Variants in UBR4 observed in about 807,000 individuals in gnomAD.
UBR4 encodes E3 ubiquitin-protein ligase UBR4.
In UBR4, 124 loss-of-function variants were observed where a neutral mutation model predicts 575.6. The observed-to-expected ratio is 0.22, with a 90% CI of 0.19 to 0.25. The LOEUF is 0.25. Among genes scored for constraint, UBR4 ranks in the 10% least tolerant of loss-of-function variants. The pLI, the probability that UBR4 is intolerant of heterozygous loss-of-function variation, is 1.00. For synonymous variants in UBR4, 2,455 were observed against 2,473.7 expected, an observed-to-expected ratio of 0.99 and a Z score of 0.22; for missense variants, 4,818 against 6,478.8, an observed-to-expected ratio of 0.74 and a Z score of 8.80.
intron 87 of UBR4, among the ~76,000 whole-genome samples, chr1:19,102,482 A>G (rs1195321543): frequency 6.7e-6 from 1 of 150,194 alleles, no homozygotes; most frequent in African/African-American, 2.5e-5. Context: ...AAATGGCATC[A>G]GAAAGAGTTC....
intron 20 of UBR4, 66 bp from the exon 21 acceptor site, chr1:19,175,099 G>T: frequency 1.4e-6 from 2 of 1,392,784 alleles, no homozygotes; most frequent in Non-Finnish European, 2.0e-6. Context: ...AGTATGCAAT[G>T]TAAAACTCAG....
chr1:19,114,885 G>A lies in UBR4; in HGVS notation c.11128C>T (p.Arg3710Cys), dbSNP rs2080315986. Residue 3710 changes from arginine (R) to cysteine (C), a missense_variant, in exon 75 of 106, where the codon CGC becomes TGC. Around this residue, in one of 29 missense-constraint regions of UBR4, gnomAD observed 10 missense variants for 65.4 expected, o/e 0.15. Coordinates refer to ENST00000375254, the MANE Select transcript of UBR4 (RefSeq NM_020765.3). ...CNACGFCKYA[R>C]FDFMLYAKPC... is the part of the protein sequence containing the mutation. ...TTGGCATAGAGCATGAAGTCGAAGC[G>A]GGCATATTTACAGAAGCCACAGGCA... 6.2e-7 allele frequency: 1 copy of A among 1,614,068 alleles called. No individual in the cohort carries two copies. The highest frequency in any genetic ancestry group is 1.3e-5 in the African/African-American group (1 of 74,934).
chr1:19,104,006 G>A, intron 87 of UBR4, 78 bp downstream of exon 87: 1 of 1,525,732 alleles, frequency 6.6e-7, no homozygotes, highest in South Asian at 1.2e-5. Context: ...CTGTGGAACT[G>A]GGGGAAATTG....
At chr1:19,132,193 T>C (rs2082553141) in intron 60 of UBR4, among the ~76,000 whole-genome samples, 1 of 152,028 alleles carries the variant, frequency 6.6e-6, no homozygotes, top group Non-Finnish European at 1.5e-5. Flanking sequence ...TGTTTGTTTG[T>C]TTTTTTGAGA....
chr1:19,151,998 G>C lies in UBR4; in HGVS notation c.6997-139C>G, dbSNP rs986703808. ...TTAACTCCCTGGTAATGACTTCCTT[G>C]TTTCTAAAAATGGGAAAATAGGAAA... On this transcript the variant is annotated intron_variant, in intron 47 of 105. Transcript: ENST00000375254. 5.6e-6 allele frequency: 5 copies of C among 891,168 alleles called. No homozygotes were observed. The African/African-American group carries it at 6.8e-5, about 12-fold the overall frequency. The allele number at this position is 891,168 out of a possible 1,614,324, so 55.2% of individuals were successfully genotyped here.
At chr1:19,158,738 C>T (rs910936055) in intron 39 of UBR4, among the ~76,000 whole-genome samples, 1 of 151,818 alleles carries the variant, frequency 6.6e-6, no homozygotes, top group Non-Finnish European at 1.5e-5. Context: ...GTGGGGATTA[C>T]AGGCATGAGC....
rs2091261887 is a variant in UBR4 at position 19,183,821 on chromosome 1, G to A, written c.2174C>T (p.Pro725Leu). The A allele has an allele frequency of 1.9e-6, 3 of 1,614,118 alleles. No homozygotes were observed. The highest frequency in any genetic ancestry group is 1.7e-5 in the Admixed American group (1 of 60,028). The change falls in exon 17 of 106, where the codon CCT (proline) becomes CTT (leucine). Residue 725 changes from proline (P) to leucine (L), a missense_variant. Physicochemically the swap from Pro to Leu is moderately conservative, Grantham distance 98 (BLOSUM62 -3). This residue lies in a region of UBR4 where 1,172 missense variants were observed against 1,259.7 expected (regional missense o/e 0.93). Coordinates refer to ENST00000375254, the MANE Select transcript of UBR4 (RefSeq NM_020765.3). ...HSLVTSDLQS[P>L]NLQNTLLQQL... ...ACAGCACACACAAACCTGCAGGTTA[G>A]GTGACTGAAGGTCAGAGGTTACCAG...
chr1:19,115,565 C>T lies in UBR4; in HGVS notation c.10896G>A (p.Pro3632=), dbSNP rs778552235. 1.9e-5 allele frequency: 31 copies of T among 1,614,076 alleles called. No individual in the cohort carries two copies. Among genetic ancestry groups the T allele is most frequent in the Admixed American group, 1.7e-4 (10 of 60,006 alleles). The part of the protein sequence containing the change: ...PGQTEVKIDL[P]LPIVASNLMI... ...TCAGATTGGAGGCCACAATGGGCAACGGCAGGTCAATCTTCACCTCTGTCT... is the reference window on the plus strand; with the variant it reads ...TCAGATTGGAGGCCACAATGGGCAATGGCAGGTCAATCTTCACCTCTGTCT... Residue 3632 remains proline (P), a synonymous_variant, in exon 74 of 106, where the codon CCG becomes CCA. Coordinates refer to ENST00000375254, the MANE Select transcript of UBR4 (RefSeq NM_020765.3).
intron 8 of UBR4, among the ~76,000 whole-genome samples, chr1:19,193,868 A>T (rs932816543): frequency 2.6e-5 from 4 of 152,230 alleles, no homozygotes; most frequent in African/African-American, 9.6e-5. Flanking sequence ...AGCAATAAAA[A>T]GAAATGGACT....
At chr1:19,190,312 A>AAAAAAAAAAAAAAATATATAT in intron 11 of UBR4, among the ~76,000 whole-genome samples, 9 of 79,910 alleles carry the variant, frequency 1.1e-4, no homozygotes, top group East Asian at 5.8e-4. Flanking sequence ...AAAAAAAAAA[A>AAAAAAAAAAAAAAATATATAT]ATATATATAT....
chr1:19,203,186 T>C (rs903668188), intron 1 of UBR4, among the ~76,000 whole-genome samples: 5 of 152,098 alleles, frequency 3.3e-5, no homozygotes, highest in Admixed American at 3.3e-4. Context: ...AGTGAGTCAA[T>C]CCCCAGCAGA....
At chr1:19,209,434 A>G (rs2151893637) in intron 1 of UBR4, among the ~76,000 whole-genome samples, 1 of 152,368 alleles carries the variant, frequency 6.6e-6, no homozygotes, top group South Asian at 2.1e-4. Context: ...ACCGTTTGTA[A>G]AAGAATGTGA....
At chr1:19,137,883 C>T (rs1163062438) in intron 60 of UBR4, 124 bp downstream of exon 60, 28 of 1,098,442 alleles carry the variant, frequency 2.5e-5, no homozygotes, top group Non-Finnish European at 2.9e-5. Flanking sequence ...GAAGTTTACA[C>T]CTTTATATTT....
intron 38 of UBR4, 99 bp from the exon 39 acceptor site, chr1:19,160,380 T>A: frequency 8.8e-7 from 1 of 1,141,232 alleles, no homozygotes; most frequent in Non-Finnish European, 1.2e-6. Context: ...TCCTTCAGAA[T>A]CCAGCTACTT....
At chr1:19,132,331 G>A (rs942149456) in intron 60 of UBR4, among the ~76,000 whole-genome samples, 16 of 151,658 alleles carry the variant, frequency 1.1e-4, no homozygotes, top group African/African-American at 3.6e-4. Context: ...ACAGGTGCAC[G>A]CCACCACACA....
chr1:19,170,725 G>A, intron 26 of UBR4, 37 bp downstream of exon 26: 1 of 1,613,996 alleles, frequency 6.2e-7, no homozygotes, highest in South Asian at 1.1e-5. Flanking sequence ...AGTAGCTGTT[G>A]TAATAATATT....
rs1553194520 is a variant in UBR4 at position 19,160,972 on chromosome 1, T to G, written c.5351A>C (p.Lys1784Thr). The change falls in exon 38 of 106, where the codon AAG becomes ACG. Residue 1784 changes from lysine to threonine, a missense_variant. Coordinates refer to ENST00000375254, the MANE Select transcript of UBR4 (RefSeq NM_020765.3). ...TACTGTGCGGCAGAGGCTGCTCTTC[T>G]TGGGCTTCTCTTCGTCAGCAACCTT... ...DGKVADEEKP[K>T]KSSLCRTVEG... 1.4e-5 allele frequency: 23 copies of G among 1,614,204 alleles called. No individual in the cohort carries two copies. In the South Asian group the frequency reaches 2.5e-4, roughly 18 times the overall value.
rs148571488 is a variant in UBR4, at chr1:19,117,396, T to C, written c.10648A>G (p.Ile3550Val). 751 of 1,614,092 alleles carry C rather than the reference T, an allele frequency of 4.7e-4. 6 individuals carry two copies. The highest frequency in any genetic ancestry group is 1.8e-4 in the Admixed American group (11 of 60,010). Reference protein sequence around the residue: ...VPFCYIKLSSIKVDTRYTTTQ... With the variant: ...VPFCYIKLSSVKVDTRYTTTQ... ...GTGGTGTACCGCGTGTCCACTTTAA[T>C]GGAAGACAGCTTGATATACTAAATA... The change falls in exon 73 of 106, where the codon ATT (isoleucine) becomes GTT (valine). Residue 3550 changes from isoleucine (I) to valine (V), a missense_variant. Coordinates refer to ENST00000375254, the MANE Select transcript of UBR4 (RefSeq NM_020765.3). This position sits in a 1 kb window ranked among gnomAD's most constrained non-coding sequence, Gnocchi z 4.0.
At chr1:19,192,091 A>T in intron 11 of UBR4, 97 bp downstream of exon 11, 1 of 1,432,176 alleles carries the variant, frequency 7.0e-7, no homozygotes, top group East Asian at 2.3e-5. Flanking sequence ...TAGGAAGGCA[A>T]ATTTTCCTAT....
Sources: gnomAD v4.1 joint callset for allele counts (sites outside exome capture counted in the v4.1 genomes callset) on GRCh38, gnomAD v4.1.1 for gene constraint, gnomAD v4.1.1 regional missense constraint, Gnocchi (gnomAD v3.1) non-coding constraint, MANE v1.5 for transcripts, NCBI Gene and HGNC (gene_info 2026-07-23, HGNC 2026-07-21) for gene names.